The following FILIP1L variants were observed in gnomAD, a reference collection of about 807,000 sequenced individuals.
FILIP1L encodes the protein filamin A-interacting protein 1-like.
In FILIP1L, 55 loss-of-function variants were observed where a neutral mutation model predicts 96.6. The ratio of observed to expected loss-of-function variants is 0.57; its 90% CI spans 0.46 to 0.71. The LOEUF (loss-of-function observed/expected upper bound fraction) is 0.71. Among genes scored for constraint, FILIP1L ranks in the 30% least tolerant of loss-of-function variants. FILIP1L has a pLI of 0.00. For synonymous variants in FILIP1L, 467 were observed against 473.9 expected, an observed-to-expected ratio of 0.99 and a Z score of 0.19; for missense variants, 1,304 against 1,321.2, an observed-to-expected ratio of 0.99 and a Z score of 0.20.
chr3:99,972,591 C>T (rs1339252916), intron 1 of FILIP1L, among the ~76,000 whole-genome samples: 4 of 152,158 alleles, frequency 2.6e-5, no homozygotes, highest in East Asian at 1.9e-4. Context: ...GAGTAAATAA[C>T]GGTTCATGTT....
At position 100,094,924 on chromosome 3, in the gene FILIP1L, G is replaced by A. The variant is rs192826333; in HGVS notation, c.-11+19129C>T. 9.7e-4 allele frequency among the ~76,000 whole-genome samples: 147 copies of A among 151,970 alleles called. 1 individual carries two copies. The East Asian group carries it at 0.025, about 26-fold the overall frequency. ...AGGATGGTCTTGATCTCCTGACCTC[G>A]TGATCCACCCGCCTCGGCCTCCCAA... On this transcript the variant is annotated intron_variant, in intron 1 of 5. Transcript: ENST00000477258.
chr3:99,932,432 A>G (rs1391281297), intron 1 of FILIP1L, among the ~76,000 whole-genome samples: 1 of 152,082 alleles, frequency 6.6e-6, no homozygotes, highest in Non-Finnish European at 1.5e-5. Context: ...TGCTGTAAGA[A>G]TATTTCATTA....
intron 1 of FILIP1L, among the ~76,000 whole-genome samples, chr3:99,998,452 A>C (rs1014552255): frequency 1.3e-5 from 2 of 152,194 alleles, no homozygotes; most frequent in Non-Finnish European, 2.9e-5. Context: ...AAGAATGTAC[A>C]TTTTTGAGAT....
chr3:99,958,251 T>TA (rs1380107628), intron 1 of FILIP1L, among the ~76,000 whole-genome samples: 2 of 140,864 alleles, frequency 1.4e-5, no homozygotes, highest in African/African-American at 5.2e-5. Context: ...TTATTATTAT[T>TA]TGAAGGTAAC....
At position 99,992,584 on chromosome 3, in the gene FILIP1L, G is replaced by A. The variant is rs150583835; in HGVS notation, c.-10-61554C>T. 8.8e-4 allele frequency among the ~76,000 whole-genome samples: 134 copies of A among 151,964 alleles called. 3 individuals are homozygous for A. Among genetic ancestry groups the A allele is most frequent in the Non-Finnish European group, 2.2e-4 (15 of 67,900 alleles). ...TTATTAGCCCTTTGTCAGATGCATAGTTGCAAATATTTTTTCCCATTCTAT... is the reference window on the plus strand; with the variant it reads ...TTATTAGCCCTTTGTCAGATGCATAATTGCAAATATTTTTTCCCATTCTAT... On this transcript the variant is annotated intron_variant, in intron 1 of 5. Coordinates refer to ENST00000477258, the MANE Select transcript of FILIP1L (RefSeq NM_001387850.1).
At chr3:99,979,043 G>A (rs1709047983) in intron 1 of FILIP1L, among the ~76,000 whole-genome samples, 1 of 151,984 alleles carries the variant, frequency 6.6e-6, no homozygotes, top group Non-Finnish European at 1.5e-5. Flanking sequence ...GCGACTAGAG[G>A]GTGTAGTTAA....
intron 1 of FILIP1L, among the ~76,000 whole-genome samples, chr3:100,061,883 A>G (rs2065572444): frequency 6.6e-6 from 1 of 152,138 alleles, no homozygotes; most frequent in South Asian, 2.1e-4. Context: ...GTGGTAAAAT[A>G]TATATAATAC....
At chr3:99,877,602 A>T (rs926517021) in intron 4 of FILIP1L, among the ~76,000 whole-genome samples, 8 of 152,202 alleles carry the variant, frequency 5.3e-5, no homozygotes, top group African/African-American at 1.9e-4. Context: ...TTAAAATTTA[A>T]TATTTGATTT....
intron 5 of FILIP1L, among the ~76,000 whole-genome samples, chr3:99,833,833 G>A (rs1022839898): frequency 2.0e-5 from 3 of 152,308 alleles, no homozygotes; most frequent in Admixed American, 1.3e-4. Flanking sequence ...TCACTCCCTT[G>A]GGGACTTAGC....
chr3:100,092,534 C>T (rs1190994599), intron 1 of FILIP1L, among the ~76,000 whole-genome samples: 1 of 151,284 alleles, frequency 6.6e-6, no homozygotes, highest in African/African-American at 2.4e-5. Context: ...CTTAAAATAC[C>T]CTTGCATGTG....
At chr3:99,914,530 C>A (rs887869500) in intron 4 of FILIP1L, among the ~76,000 whole-genome samples, 1 of 152,108 alleles carries the variant, frequency 6.6e-6, no homozygotes, top group Non-Finnish European at 1.5e-5. Context: ...CTCTTTACAA[C>A]ATCATATCAT....
At chr3:99,907,543 G>T (rs1706659043) in intron 4 of FILIP1L, among the ~76,000 whole-genome samples, 1 of 152,086 alleles carries the variant, frequency 6.6e-6, no homozygotes, top group South Asian at 2.1e-4. Context: ...CAACGCACCT[G>T]GCGTACCCCT....
At chr3:100,109,379 A>C (rs76770021) in intron 1 of FILIP1L, among the ~76,000 whole-genome samples, 1,851 of 152,276 alleles carry the variant, frequency 0.012, 25 homozygotes, top group African/African-American at 0.028. Context: ...TACAATTCTG[A>C]AAATTTTGAC....
intron 4 of FILIP1L, among the ~76,000 whole-genome samples, chr3:99,876,559 CTTTTTA>C (rs1172274396): frequency 6.6e-6 from 1 of 152,142 alleles, no homozygotes; most frequent in Non-Finnish European, 1.5e-5. Flanking sequence ...ATTCATTATA[CTTTTTA>C]TTTTTGGTTG....
chr3:99,992,142 A>T (rs1709542942), intron 1 of FILIP1L, among the ~76,000 whole-genome samples: 1 of 151,826 alleles, frequency 6.6e-6, no homozygotes, highest in Non-Finnish European at 1.5e-5. Context: ...AAGTGCAGCT[A>T]TCTTTTTGAT....
chr3:99,986,713 G>A (rs1035228754), intron 1 of FILIP1L, among the ~76,000 whole-genome samples: 1 of 152,178 alleles, frequency 6.6e-6, no homozygotes, highest in Non-Finnish European at 1.5e-5. Context: ...TCTTCCTCTA[G>A]TCTAGTGGCC....
chr3:99,862,674 T>C (rs1002880714), intron 4 of FILIP1L, among the ~76,000 whole-genome samples: 3 of 152,218 alleles, frequency 2.0e-5, no homozygotes, highest in Non-Finnish European at 4.4e-5. Flanking sequence ...TGCAGAGAAA[T>C]TGAGTCTGGT....
At chr3:100,042,169 A>G (rs1484664802) in intron 1 of FILIP1L, among the ~76,000 whole-genome samples, 1 of 152,242 alleles carries the variant, frequency 6.6e-6, no homozygotes, top group East Asian at 1.9e-4. Flanking sequence ...ACAAAGGGCA[A>G]AAATTGTGGC....
At chr3:99,957,054 G>A (rs1313208484) in intron 1 of FILIP1L, among the ~76,000 whole-genome samples, 1 of 152,060 alleles carries the variant, frequency 6.6e-6, no homozygotes, top group African/African-American at 2.4e-5. Flanking sequence ...ATGCTATTTT[G>A]TACCTCCTCT....
Sources: gnomAD v4.1 joint callset for allele counts (sites outside exome capture counted in the v4.1 genomes callset) on GRCh38, gnomAD v4.1.1 for gene constraint, MANE v1.5 for transcripts, NCBI Gene and HGNC (gene_info 2026-07-23, HGNC 2026-07-21) for gene names.